Variants in PAH observed in about 807,000 individuals in gnomAD.
PAH encodes phenylalanine-4-hydroxylase.
A neutral mutation model predicts 62.0 loss-of-function variants in PAH; 64 were observed. The observed-to-expected ratio is 1.03, with a 90% confidence interval of 0.84 to 1.27. The LOEUF (loss-of-function observed/expected upper bound fraction) is 1.27. Among genes scored for constraint, PAH ranks in the 50% most tolerant of loss-of-function variants. The probability of loss-of-function intolerance (pLI) is 0.00; values close to 1 mark genes in which losing one functional copy is unlikely to be tolerated. For synonymous variants in PAH, 195 were observed against 196.2 expected, an observed-to-expected ratio of 0.99 and a Z score of 0.05; for missense variants, 579 against 542.8, an observed-to-expected ratio of 1.07 and a Z score of -0.66.
At chr12:102,883,312 C>A (rs1230272428) in intron 3 of PAH, among the ~76,000 whole-genome samples, 1 of 152,148 alleles carries the variant, frequency 6.6e-6, no homozygotes, top group East Asian at 1.9e-4. Context: ...ACCAGAGAAA[C>A]AACATTCTTC....
chr12:102,875,702 A>G (rs1295694350), intron 4 of PAH, among the ~76,000 whole-genome samples: 1 of 152,194 alleles, frequency 6.6e-6, no homozygotes, highest in African/African-American at 2.4e-5. Flanking sequence ...AGAGTATTTA[A>G]GTAATATACA....
In PAH at chr12:102,851,826, C is replaced by A. The variant is rs1245579967; in HGVS notation, c.843-70G>T. ...AGCCAAGCCAGACTCAGTCTTTCTA[C>A]ATGAGGAATGGGCAGAAAGAATGGA... On this transcript the variant is annotated intron_variant, in intron 7 of 12. Transcript: ENST00000553106. The A allele has an allele frequency of 2.6e-6, 3 of 1,137,034 alleles. No homozygotes were observed. The African/African-American group carries it at 4.6e-5, about 17-fold the overall frequency. 70.4% of individuals were successfully genotyped at this position (1,137,034 alleles called of 1,614,324 possible).
rs954194113 is a variant in PAH at position 102,843,941 on chromosome 12, C to T, written c.1066-162G>A. On this transcript the variant is annotated intron_variant, in intron 10 of 12. Coordinates refer to ENST00000553106, the MANE Select transcript of PAH (RefSeq NM_000277.3). ...CAAATTACTTTGCACATACTAGGTT[C>T]TACCCTTCATAGCTCATCTAAAACC... Among the ~76,000 whole-genome samples, 7 of 152,152 alleles carry T rather than the reference C, an allele frequency of 4.6e-5. No homozygotes were observed. The East Asian group carries it at 9.6e-4, about 21-fold the overall frequency.
Position 102,838,140 on chromosome 12 carries a change from C to G in PAH, c.*1035G>C, listed in dbSNP as rs541765978. The G allele has an allele frequency of 6.6e-6, 1 of 152,154 alleles. No homozygotes were observed. Among genetic ancestry groups the G allele is most frequent in the Non-Finnish European group, 1.5e-5 (1 of 68,022 alleles). 9.4% of individuals were successfully genotyped at this position (152,154 alleles called of 1,614,324 possible). A position where few individuals can be genotyped will look rare whatever the true frequency, so the allele number is the denominator to read the frequency against. On this transcript the variant is annotated 3_prime_UTR_variant, in exon 13 of 13. Coordinates refer to ENST00000553106, the MANE Select transcript of PAH (RefSeq NM_000277.3). ...CATGTTTTCATGGCAAACACACAAT[C>G]AACAAAAGTCAAAGTCCGTTGACTG...
rs1175370582 is a variant in PAH, at chr12:102,839,328, G to A, written c.1316-110C>T. 3 of 1,012,724 alleles carry A rather than the reference G, an allele frequency of 3.0e-6. No individual in the cohort carries two copies. In the African/African-American group the frequency reaches 4.8e-5, roughly 16 times the overall value. 62.7% of individuals were successfully genotyped at this position (1,012,724 alleles called of 1,614,324 possible). A position where few individuals can be genotyped will look rare whatever the true frequency, so the allele number is the denominator to read the frequency against. On this transcript the variant is annotated intron_variant, in intron 12 of 12. Coordinates refer to ENST00000553106, the MANE Select transcript of PAH (RefSeq NM_000277.3). ...ATAAGTGGGCTTCTTGGATGAGCTGGGTGCCACCCCAACTTTCAAGGAGCT... is the reference window on the plus strand; with the variant it reads ...ATAAGTGGGCTTCTTGGATGAGCTGAGTGCCACCCCAACTTTCAAGGAGCT...
chr12:102,917,447 G>A (rs537351089), upstream of PAH: 1 of 409,268 alleles, frequency 2.4e-6, no homozygotes, highest in East Asian at 5.4e-5. Flanking sequence ...GAAGAAGCCA[G>A]GGAGCGACGG....
At chr12:102,861,117 A>T (rs1427325104) in intron 5 of PAH, among the ~76,000 whole-genome samples, 1 of 152,196 alleles carries the variant, frequency 6.6e-6, no homozygotes, top group Non-Finnish European at 1.5e-5. Flanking sequence ...GAATCTACAA[A>T]GAACTCAAAC....
chr12:102,901,256 G>A lies in PAH; in HGVS notation c.169-6338C>T, dbSNP rs1877749138. Among the ~76,000 whole-genome samples the A allele has an allele frequency of 2.0e-5, 3 of 152,224 alleles. No homozygotes were observed. In the South Asian group the frequency reaches 6.2e-4, roughly 32 times the overall value. On this transcript the variant is annotated intron_variant, in intron 2 of 12. Coordinates refer to ENST00000553106, the MANE Select transcript of PAH (RefSeq NM_000277.3). ...CACTGACAAGAGATAATGGTATCTT[G>A]CAAGTATGTGGGCTATCTGGGTTCA...
intron 2 of PAH, among the ~76,000 whole-genome samples, chr12:102,895,867 A>ATATATAT (rs1490050011): frequency 3.7e-4 from 47 of 126,216 alleles, no homozygotes; most frequent in African/African-American, 1.4e-3. Context: ...AAAAAAAAAA[A>ATATATAT]AAATATATAT....
intron 3 of PAH, among the ~76,000 whole-genome samples, chr12:102,892,344 T>G (rs1029580952): frequency 2.6e-5 from 4 of 152,114 alleles, no homozygotes; most frequent in Admixed American, 6.5e-5. Context: ...TGACCCAAAG[T>G]CTTTCCAAGT....
At chr12:102,855,092 T>C in intron 6 of PAH, 44 bp downstream of exon 6, 2 of 1,513,136 alleles carry the variant, frequency 1.3e-6, no homozygotes, top group Non-Finnish European at 1.8e-6. Flanking sequence ...GCCTCAATCC[T>C]CCCCCAACTT....
chr12:102,880,193 C>G (rs767313589), intron 3 of PAH, among the ~76,000 whole-genome samples: 18 of 152,134 alleles, frequency 1.2e-4, no homozygotes, highest in Non-Finnish European at 2.4e-4. Context: ...GCCTTGTCAC[C>G]TACACTCCTC....
chr12:102,882,061 A>G (rs371417503), intron 3 of PAH, among the ~76,000 whole-genome samples: 2 of 152,218 alleles, frequency 1.3e-5, no homozygotes, highest in African/African-American at 2.4e-5. Context: ...GGCTGTGCCA[A>G]CTGACATCCC....
At chr12:102,894,422 T>A in intron 3 of PAH, among the ~76,000 whole-genome samples, 1 of 102,638 alleles carries the variant, frequency 9.7e-6, no homozygotes, top group African/African-American at 2.7e-5. Flanking sequence ...ATTAAAAGCT[T>A]ATAAAGTAAA....
rs1878259731 is a variant in PAH, at chr12:102,912,895, T to A, written c.64A>T (p.Thr22Ser). 1.3e-6 allele frequency: 2 copies of A among 1,598,956 alleles called. No individual in the cohort carries two copies. The highest frequency in any genetic ancestry group is 2.2e-5 in the South Asian group (2 of 90,804). The change falls in exon 2 of 13, where the codon ACA becomes TCA. Residue 22 changes from threonine (T) to serine (S), a missense_variant. Transcript: ENST00000553106. ...TTGCAGTTGTCTTCAATATAGCTTG[T>A]TTCCTACAGGATAAGATGCATTTGT... is the stretch of plus-strand genomic sequence containing the variant. ...GRKLSDFGQE[T>S]SYIEDNCNQN...
intron 8 of PAH, among the ~76,000 whole-genome samples, chr12:102,847,713 C>T (rs1026840053): frequency 6.4e-4 from 97 of 152,246 alleles, no homozygotes; most frequent in Non-Finnish European, 2.4e-4. Context: ...GGACTAAGAG[C>T]TCCAGGGGAT....
Position 102,877,482 on chromosome 12 carries a change from C to T in PAH, c.421G>A (p.Glu141Lys). 1 of 1,613,948 alleles carries T rather than the reference C, an allele frequency of 6.2e-7. No individual in the cohort carries two copies. ...FANQILSYGAELDADHPGFKD... is the reference protein window; with the variant it reads ...FANQILSYGAKLDADHPGFKD... Reference sequence around the variant, plus strand: ...CTCACAGGGTGGTCAGCATCCAGTTCCGCTCCATAGCTGAGAATCTGATTG... The same window carrying T: ...CTCACAGGGTGGTCAGCATCCAGTTTCGCTCCATAGCTGAGAATCTGATTG... The change falls in exon 4 of 13, where the codon GAA becomes AAA. Residue 141 changes from glutamate (E) to lysine (K), a missense_variant. By Grantham distance (56) the Glu-to-Lys change is moderately conservative. Coordinates refer to ENST00000553106, the MANE Select transcript of PAH (RefSeq NM_000277.3).
chr12:102,893,388 G>A (rs1371953254), intron 3 of PAH, among the ~76,000 whole-genome samples: 1 of 151,344 alleles, frequency 6.6e-6, no homozygotes, highest in Admixed American at 6.6e-5. Context: ...CAACAAGAAC[G>A]AAATTCTGTC....
At position 102,917,066 on chromosome 12, in the gene PAH, C is replaced by A. The variant is rs62514895; in HGVS notation, c.60+5G>T. 4.8e-5 allele frequency: 78 copies of A among 1,614,034 alleles called. No homozygotes were observed. Among genetic ancestry groups the A allele is most frequent in the Admixed American group, 1.7e-4 (10 of 60,012 alleles). ...AACTGAGCAGCTCAGGCTGCCGTGGCTCACCTGTCCAAAGTCAGAGAGTTT... is the reference window on the plus strand; with the variant it reads ...AACTGAGCAGCTCAGGCTGCCGTGGATCACCTGTCCAAAGTCAGAGAGTTT... On this transcript the variant is annotated splice_donor_5th_base_variant and intron_variant, in intron 1 of 12. Transcript: ENST00000553106.
Sources: gnomAD v4.1 joint callset for allele counts (sites outside exome capture counted in the v4.1 genomes callset) on GRCh38, gnomAD v4.1.1 for gene constraint, MANE v1.5 for transcripts, NCBI Gene and HGNC (gene_info 2026-07-23, HGNC 2026-07-21) for gene names.